C1QTNF7: variants seen among roughly 807,000 people sequenced by gnomAD.
C1QTNF7 encodes C1q and TNF related 7.
C1QTNF7 carries 15 observed loss-of-function variants against 19.6 expected under a neutral mutation model. The ratio of observed to expected loss-of-function variants is 0.76; its 90% confidence interval spans 0.51 to 1.18. The LOEUF (loss-of-function observed/expected upper bound fraction) is 1.18, where lower values mean the gene tolerates loss of function less well. Among genes scored for constraint, C1QTNF7 ranks in the 50% most tolerant of loss-of-function variants. The pLI is 0.00. For synonymous variants in C1QTNF7, 142 were observed against 137.5 expected, an observed-to-expected ratio of 1.03 and a Z score of -0.23; for missense variants, 324 against 359.7, an observed-to-expected ratio of 0.90 and a Z score of 0.80.
At chr4:15,356,062 TTTTG>T (rs142519956) in intron 1 of C1QTNF7, among the ~76,000 whole-genome samples, 11,719 of 151,890 alleles carry the variant, frequency 0.077, 629 homozygotes, top group Admixed American at 0.2. Flanking sequence ...GGTAATGGTT[TTTTG>T]TTTGTTTGTT....
intron 1 of C1QTNF7, among the ~76,000 whole-genome samples, chr4:15,396,292 G>A (rs1279272149): frequency 6.6e-6 from 1 of 152,186 alleles, no homozygotes; most frequent in African/African-American, 2.4e-5. Context: ...GGTTGGAGAT[G>A]ATTGAGATTG....
intron 1 of C1QTNF7, among the ~76,000 whole-genome samples, chr4:15,395,112 G>A (rs774931251): frequency 1.3e-5 from 2 of 152,174 alleles, no homozygotes; most frequent in Non-Finnish European, 2.9e-5. Flanking sequence ...GGAGAGAAGA[G>A]AGAGCCTGGG....
chr4:15,418,948 G>A (rs1352971133), intron 1 of C1QTNF7, among the ~76,000 whole-genome samples: 1 of 152,120 alleles, frequency 6.6e-6, no homozygotes, highest in Non-Finnish European at 1.5e-5. Context: ...CACAAAAATG[G>A]CACAAATGCC....
chr4:15,404,070 C>G (rs1291874122), intron 1 of C1QTNF7, among the ~76,000 whole-genome samples: 1 of 152,092 alleles, frequency 6.6e-6, no homozygotes, highest in African/African-American at 2.4e-5. Context: ...GGCATTTAGT[C>G]AAATGGATTC....
chr4:15,413,765 A>G (rs553352100), intron 1 of C1QTNF7, among the ~76,000 whole-genome samples: 1 of 152,228 alleles, frequency 6.6e-6, no homozygotes, highest in Non-Finnish European at 1.5e-5. Context: ...CTGTGGATGG[A>G]GACAAGGATT....
intron 1 of C1QTNF7, among the ~76,000 whole-genome samples, chr4:15,350,824 T>C (rs1716910204): frequency 6.6e-6 from 1 of 152,174 alleles, no homozygotes; most frequent in Non-Finnish European, 1.5e-5. Context: ...AAAGAAAAAC[T>C]AATGGGAAAT....
intron 2 of C1QTNF7, among the ~76,000 whole-genome samples, chr4:15,437,178 T>C (rs1040259507): frequency 2.6e-5 from 4 of 152,140 alleles, no homozygotes; most frequent in Non-Finnish European, 5.9e-5. Flanking sequence ...AGTTATATAT[T>C]GCTTTTAGTT....
intron 1 of C1QTNF7, among the ~76,000 whole-genome samples, chr4:15,386,322 C>A (rs1718334919): frequency 6.6e-6 from 1 of 152,158 alleles, no homozygotes; most frequent in Non-Finnish European, 1.5e-5. Flanking sequence ...GGTCATGGGT[C>A]CCAACCAAAT....
intron 2 of C1QTNF7, 147 bp from the exon 3 acceptor site, chr4:15,442,020 CA>C (rs35426021): frequency 0.33 from 201,702 of 614,596 alleles, 14,893 homozygotes; most frequent in East Asian, 0.38. Flanking sequence ...GACTCCATCT[CA>C]AAAAAAAAAA....
chr4:15,381,584 C>T lies in C1QTNF7; in HGVS notation c.13+41377C>T, dbSNP rs139092629. Among the ~76,000 whole-genome samples, 466 of 152,136 alleles carry T rather than the reference C, an allele frequency of 3.1e-3. 3 individuals are homozygous for T. Among genetic ancestry groups the T allele is most frequent in the African/African-American group, 0.011 (441 of 41,500 alleles). ...GCTGTGCACTTAATTAGGTATGGGA[C>T]GTCTCTGGACTACAGGTTCTTCATA... On this transcript the variant is annotated intron_variant, in intron 1 of 2. Coordinates refer to the C1QTNF7 transcript ENST00000295297.
intron 1 of C1QTNF7, among the ~76,000 whole-genome samples, chr4:15,351,148 T>C (rs1243403810): frequency 6.6e-6 from 1 of 152,200 alleles, no homozygotes; most frequent in Non-Finnish European, 1.5e-5. Flanking sequence ...AAAATTGCTG[T>C]TTCTTTTAGG....
upstream of C1QTNF7, chr4:15,339,900 G>A (rs568398464): frequency 1.1e-4 from 57 of 521,332 alleles, no homozygotes; most frequent in Non-Finnish European, 1.7e-4. Context: ...GGGAAGGATC[G>A]CAGTTGCTTT....
intron 1 of C1QTNF7, among the ~76,000 whole-genome samples, chr4:15,380,028 C>T (rs1019943269): frequency 6.6e-6 from 1 of 152,166 alleles, no homozygotes; most frequent in African/African-American, 2.4e-5. Flanking sequence ...GGCCATTCTT[C>T]CATAACCAGG....
chr4:15,420,073 A>G (rs780647787), intron 1 of C1QTNF7: 2 of 152,210 alleles, frequency 1.3e-5, no homozygotes, highest in African/African-American at 2.4e-5. Flanking sequence ...CCCTGAAGAT[A>G]AAGTCTAAGT....
intron 1 of C1QTNF7, among the ~76,000 whole-genome samples, chr4:15,354,213 GACTC>G (rs952223828): frequency 6.6e-5 from 10 of 152,192 alleles, no homozygotes; most frequent in Non-Finnish European, 1.2e-4. Context: ...GGAAAGGAAA[GACTC>G]ACACAGAGTC....
chr4:15,429,394 C>T (rs1208552396), intron 1 of C1QTNF7, among the ~76,000 whole-genome samples: 1 of 152,182 alleles, frequency 6.6e-6, no homozygotes, highest in Admixed American at 6.5e-5. Context: ...TCCCATTCCC[C>T]TCTTCCCTTC....
chr4:15,402,314 C>T (rs991531494), intron 1 of C1QTNF7, among the ~76,000 whole-genome samples: 1 of 152,112 alleles, frequency 6.6e-6, no homozygotes, highest in Non-Finnish European at 1.5e-5. Context: ...GGCAGGCATT[C>T]CTAAACATGT....
chr4:15,410,088 GC>G (rs1267402172), intron 1 of C1QTNF7, among the ~76,000 whole-genome samples: 1 of 152,106 alleles, frequency 6.6e-6, no homozygotes, highest in Admixed American at 6.5e-5. Context: ...TCTCACCCCA[GC>G]CTTCCTGCCG....
intron 1 of C1QTNF7, among the ~76,000 whole-genome samples, chr4:15,421,514 C>T (rs1310962897): frequency 1.3e-5 from 2 of 152,096 alleles, no homozygotes; most frequent in African/African-American, 2.4e-5. Flanking sequence ...GGAGCACCCA[C>T]GAAGTGCCAG....
Sources: gnomAD v4.1 joint callset for allele counts (sites outside exome capture counted in the v4.1 genomes callset) on GRCh38, gnomAD v4.1.1 for gene constraint, MANE v1.5 for transcripts, NCBI Gene and HGNC (gene_info 2026-07-23, HGNC 2026-07-21) for gene names.